LARP4: variants seen among roughly 807,000 people sequenced by gnomAD.
The protein encoded by LARP4 is la-related protein 4.
Under a neutral mutation model 92.9 loss-of-function variants are expected in LARP4, and 29 were observed. The ratio of observed to expected loss-of-function variants is 0.31; its 90% confidence interval spans 0.23 to 0.43. The LOEUF is 0.43. Among genes scored for constraint, LARP4 ranks in the 20% least tolerant of loss-of-function variants. The pLI, the probability that LARP4 is intolerant of heterozygous loss-of-function variation, is 1.00. For synonymous variants in LARP4, 279 were observed against 284.1 expected, an observed-to-expected ratio of 0.98 and a Z score of 0.18; for missense variants, 732 against 860.0, an observed-to-expected ratio of 0.85 and a Z score of 1.86.
At chr12:50,461,793 T>C (rs1274498026) in intron 11 of LARP4, among the ~76,000 whole-genome samples, 1 of 150,850 alleles carries the variant, frequency 6.6e-6, no homozygotes, top group Non-Finnish European at 1.5e-5. Flanking sequence ...CCTGTCTCTA[T>C]GAAAAAATAC....
At chr12:50,402,832 T>C (rs756035233) in intron 1 of LARP4, 1 of 454,670 alleles carries the variant, frequency 2.2e-6, no homozygotes, top group South Asian at 1.6e-5. Flanking sequence ...AATTCTATCG[T>C]ATCTCTCGCC....
At chr12:50,454,599 A>G (rs763794775) in intron 10 of LARP4, 182 bp downstream of exon 10, 3 of 446,638 alleles carry the variant, frequency 6.7e-6, no homozygotes, top group Non-Finnish European at 1.2e-5. Flanking sequence ...TTGACCTTTG[A>G]GTTGGTAATG....
chr12:50,473,411 T>G lies in LARP4; in HGVS notation c.1546-4T>G. On this transcript the variant is annotated splice_region_variant and splice_polypyrimidine_tract_variant and intron_variant, in intron 13 of 15. Transcript: ENST00000398473. ...GTAATTTTGAAAAATCTTTTTACTT[T>G]AAGGATAATGAAGAGTTGACAATTA... The G allele has an allele frequency of 6.2e-7, 1 of 1,611,338 alleles. No individual in the cohort carries two copies. The highest frequency in any genetic ancestry group is 8.5e-7 in the Non-Finnish European group (1 of 1,177,846).
chr12:50,467,046 TC>T lies in LARP4; in HGVS notation c.1472del (p.Ser491TyrfsTer30). On this transcript the variant is annotated frameshift_variant, in exon 13 of 16. Coordinates refer to ENST00000398473, the MANE Select transcript of LARP4 (RefSeq NM_052879.5). LOFTEE classifies it high-confidence loss of function. ...AAATTTTCCACCTTTACCTGGAAGT[TC>T]ATCAAGAATGCCAGGTGAACTCGTT... ...ASNFPPLPGS[S>X]SRMPGELVLE... The T allele has an allele frequency of 6.2e-7, 1 of 1,613,810 alleles. No homozygotes were observed. The highest frequency in any genetic ancestry group is 8.5e-7 in the Non-Finnish European group (1 of 1,179,770).
chr12:50,436,294 G>C (rs1950459572), intron 5 of LARP4, among the ~76,000 whole-genome samples: 1 of 151,506 alleles, frequency 6.6e-6, no homozygotes, highest in African/African-American at 2.4e-5. Context: ...TGGAATTACA[G>C]GCGTGAGCCA....
At chr12:50,430,620 T>A in intron 4 of LARP4, 50 bp downstream of exon 4, 3 of 1,101,218 alleles carry the variant, frequency 2.7e-6, no homozygotes, top group Non-Finnish European at 4.1e-6. Context: ...GTAAAATACG[T>A]GTGAAATAGA....
At chr12:50,441,394 G>T in intron 7 of LARP4, 196 bp from the exon 8 acceptor site, 2 of 415,616 alleles carry the variant, frequency 4.8e-6, no homozygotes, top group Non-Finnish European at 8.7e-6. Context: ...ATCCATGGTG[G>T]CTTTTCTACA....
At chr12:50,404,429 C>T (rs1944414932) in intron 1 of LARP4, among the ~76,000 whole-genome samples, 1 of 151,974 alleles carries the variant, frequency 6.6e-6, no homozygotes, top group Non-Finnish European at 1.5e-5. Flanking sequence ...GTGGCATGTA[C>T]CTGTAGTCCC....
rs561891787 is a variant in LARP4, at chr12:50,469,078, A to G, written c.1545+1958A>G. The stretch of plus-strand genomic sequence containing the variant: ...CATATCTTCCATGGTCATGAAGTAT[A>G]AATTTCTTGCATTCTGAAAATGTTT... On this transcript the variant is annotated intron_variant, in intron 13 of 15. Coordinates refer to ENST00000398473, the MANE Select transcript of LARP4 (RefSeq NM_052879.5). Among the ~76,000 whole-genome samples the G allele has an allele frequency of 5.3e-5, 8 of 152,220 alleles. No individual in the cohort carries two copies. The South Asian group carries it at 1.5e-3, about 28-fold the overall frequency.
rs1241765912 is a variant in LARP4 at position 50,475,947 on chromosome 12, G to T, written c.*83G>T. On this transcript the variant is annotated 3_prime_UTR_variant, in exon 16 of 16. Coordinates refer to ENST00000398473, the MANE Select transcript of LARP4 (RefSeq NM_052879.5). ...TATATTGAACTGTTTTGGAGGGGAG[G>T]GGGTAGCCAGGAAGGAAACAAGAGA... 5.2e-6 allele frequency: 6 copies of T among 1,158,178 alleles called. No homozygotes were observed. The highest frequency in any genetic ancestry group is 7.3e-6 in the Non-Finnish European group (6 of 818,686). 71.7% of individuals were successfully genotyped at this position (1,158,178 alleles called of 1,614,324 possible).
Position 50,461,164 on chromosome 12 carries a change from G to T in LARP4, c.1151G>T (p.Gly384Val). 2 of 1,613,974 alleles carry T rather than the reference G, an allele frequency of 1.2e-6. No individual in the cohort carries two copies. The highest frequency in any genetic ancestry group is 1.7e-6 in the Non-Finnish European group (2 of 1,179,928). ...AAGCCTCAGTTTAGGTCATCTGGTG[G>T]TTCAGAACACTCAACAGAGGGCTCT... ...RVKPQFRSSG[G>V]SEHSTEGSVS... Residue 384 changes from glycine (G) to valine (V), a missense_variant, in exon 11 of 16, where the codon GGT becomes GTT. Physicochemically the swap from Gly to Val is moderately radical, Grantham distance 109 (BLOSUM62 -3). This residue lies in a region of LARP4 where 264 missense variants were observed against 269.5 expected (regional missense o/e 0.98). Transcript: ENST00000398473.
chr12:50,458,343 G>T (rs1954714321), intron 10 of LARP4, among the ~76,000 whole-genome samples: 1 of 151,986 alleles, frequency 6.6e-6, no homozygotes, highest in South Asian at 2.1e-4. Flanking sequence ...TGTTGGCCAG[G>T]GTGGTCTTGA....
Position 50,400,907 on chromosome 12 carries a change from AG to A in LARP4, c.-100del. 6.6e-7 allele frequency: 1 copy of A among 1,517,888 alleles called. No individual in the cohort carries two copies. Among genetic ancestry groups the A allele is most frequent in the Middle Eastern group, 1.7e-4 (1 of 5,882 alleles). 94.0% of individuals were successfully genotyped at this position (1,517,888 alleles called of 1,614,324 possible). On this transcript the variant is annotated 5_prime_UTR_variant, in exon 1 of 16. Transcript: ENST00000398473. ...AGGAGCCGGGTCCACTGCCGGGTGGAGGGGCAAGGCGAGTGTGTGTCCTTAT... is the reference window on the plus strand; with the variant it reads ...AGGAGCCGGGTCCACTGCCGGGTGGAGGGCAAGGCGAGTGTGTGTCCTTAT...
chr12:50,470,184 A>G (rs115369010), intron 13 of LARP4, among the ~76,000 whole-genome samples: 1,839 of 151,420 alleles, frequency 0.012, 33 homozygotes, highest in African/African-American at 0.042. Context: ...TGATCACACC[A>G]CTGTACTCCA....
At position 50,463,306 on chromosome 12, in the gene LARP4, A is replaced by G. The variant is rs550116374; in HGVS notation, c.1383+676A>G. ...AGCTCCAAAATACTCACCTTTGGCC[A>G]GGCATGGCGACTCAAGTCTGTAATG... is the stretch of plus-strand genomic sequence containing the variant. On this transcript the variant is annotated intron_variant, in intron 12 of 15. Transcript: ENST00000398473. Among the ~76,000 whole-genome samples the G allele has an allele frequency of 2.7e-5, 4 of 149,954 alleles. No individual in the cohort carries two copies. The East Asian group carries it at 8.0e-4, about 30-fold the overall frequency.
chr12:50,454,389 A>T lies in LARP4; in HGVS notation c.1093A>T (p.Asn365Tyr), dbSNP rs1953843762. The T allele has an allele frequency of 6.2e-7, 1 of 1,613,364 alleles. No individual in the cohort carries two copies. The highest frequency in any genetic ancestry group is 8.5e-7 in the Non-Finnish European group (1 of 1,179,800). The change falls in exon 10 of 16, where the codon AAT (asparagine) becomes TAT (tyrosine). Residue 365 changes from asparagine (N) to tyrosine (Y), a missense_variant. Physicochemically the swap from Asn to Tyr is moderately radical, Grantham distance 143. Transcript: ENST00000398473. The stretch of plus-strand genomic sequence containing the variant: ...TTATAAAACAAATGCTGCTGCTATG[A>T]ATATGGGTCGACCATTCCAAAAAAA... The part of the protein sequence containing the change: ...GSYKTNAAAM[N>Y]MGRPFQKNRV...
Position 50,473,094 on chromosome 12 carries a change from ACAGGTGTGAGCCACTGCGCC to A in LARP4, c.1546-317_1546-298del, listed in dbSNP as rs1457705488. On this transcript the variant is annotated intron_variant, in intron 13 of 15. Coordinates refer to ENST00000398473, the MANE Select transcript of LARP4 (RefSeq NM_052879.5). Reference sequence around the variant, plus strand: ...CTCAGCCTCCGAAAGTGCTGGGATTACAGGTGTGAGCCACTGCGCCCAGCCTATTTAACTTTTTAAGGAAC... The same window carrying A: ...CTCAGCCTCCGAAAGTGCTGGGATTACAGCCTATTTAACTTTTTAAGGAAC... Among the ~76,000 whole-genome samples, 3 of 152,222 alleles carry A rather than the reference ACAGGTGTGAGCCACTGCGCC, an allele frequency of 2.0e-5. No individual in the cohort carries two copies. The East Asian group carries it at 5.8e-4, about 29-fold the overall frequency.
intron 4 of LARP4, among the ~76,000 whole-genome samples, chr12:50,431,555 A>C (rs986935102): frequency 6.6e-6 from 1 of 152,158 alleles, no homozygotes; most frequent in Non-Finnish European, 1.5e-5. Flanking sequence ...ATTTACAGAT[A>C]AGAATAATGG....
chr12:50,475,653 G>A lies in LARP4; in HGVS notation c.1964G>A (p.Gly655Glu), dbSNP rs1241101259. The A allele has an allele frequency of 1.9e-6, 3 of 1,613,960 alleles. No individual in the cohort carries two copies. In the African/African-American group the frequency reaches 4.0e-5, roughly 22 times the overall value. Residue 655 changes from glycine to glutamate, a missense_variant, in exon 16 of 16, where the codon GGA becomes GAA. Around this residue, in one of 7 missense-constraint regions of LARP4, gnomAD observed 115 missense variants for 129.1 expected, o/e 0.89. Coordinates refer to ENST00000398473, the MANE Select transcript of LARP4 (RefSeq NM_052879.5). ...TCTCCCACCAAAAATGAAGACAATG[G>A]AGCTCCTGAGAACTCCGTTGAGAAA... Reference protein sequence around the residue: ...VVSPTKNEDNGAPENSVEKPH... With the variant: ...VVSPTKNEDNEAPENSVEKPH...
Sources: allele counts gnomAD v4.1 joint callset (sites outside exome capture counted in the v4.1 genomes callset), GRCh38; gene constraint gnomAD v4.1.1; regional missense constraint gnomAD v4.1.1; transcripts MANE v1.5; gene names NCBI Gene and HGNC (gene_info 2026-07-23, HGNC 2026-07-21).